MAPK8IP1: variants seen among roughly 807,000 people sequenced by gnomAD.
MAPK8IP1 encodes the protein mitogen-activated protein kinase 8 interacting protein 1.
MAPK8IP1 carries 17 observed loss-of-function variants against 72.6 expected under a neutral mutation model. The observed-to-expected ratio is 0.23, with a 90% confidence interval of 0.16 to 0.35. The LOEUF (loss-of-function observed/expected upper bound fraction) is 0.35. Among genes scored for constraint, MAPK8IP1 ranks in the 10% least tolerant of loss-of-function variants. The probability of loss-of-function intolerance (pLI) is 1.00; values close to 1 mark genes in which losing one functional copy is unlikely to be tolerated. For missense variants in MAPK8IP1, 789 were observed against 1,009.7 expected, an observed-to-expected ratio of 0.78 and a Z score of 2.96; for synonymous variants, 401 against 443.4, an observed-to-expected ratio of 0.90 and a Z score of 1.20.
At position 45,904,671 on chromosome 11, in the gene MAPK8IP1, G is replaced by A. The variant is rs1565075667; in HGVS notation, c.1777-47G>A. ...TCAGGCCCTGGGACAGGAGGGATCA[G>A]CAGAGGAACAGACAGCAGCTGACGT... On this transcript the variant is annotated intron_variant, in intron 8 of 11. Coordinates refer to ENST00000241014, the MANE Select transcript of MAPK8IP1 (RefSeq NM_005456.4). The surrounding 1 kb of genome is among the most constrained non-coding windows in gnomAD (Gnocchi z 6.4). 1.2e-6 allele frequency: 2 copies of A among 1,604,700 alleles called. No individual in the cohort carries two copies. Among genetic ancestry groups the A allele is most frequent in the African/African-American group, 2.7e-5 (2 of 74,762 alleles).
At chr11:45,898,011 T>C in intron 1 of MAPK8IP1, 74 bp from the exon 2 acceptor site, 1 of 907,970 alleles carries the variant, frequency 1.1e-6, no homozygotes, top group Non-Finnish European at 1.8e-6. Context: ...GGCTGCACCC[T>C]GGAAGAGGTA....
rs1211113460 is a variant in MAPK8IP1 at position 45,904,317 on chromosome 11, G to A, written c.1667-138G>A. ...TTCACGATCAAGCAAAGTGAGGCCC[G>A]GCCAAGTTGGGCAGCCAGGGATTGT... On this transcript the variant is annotated intron_variant, in intron 7 of 11. Coordinates refer to ENST00000241014, the MANE Select transcript of MAPK8IP1 (RefSeq NM_005456.4). This position sits in a 1 kb window ranked among gnomAD's most constrained non-coding sequence, Gnocchi z 6.4. 6.3e-5 allele frequency: 74 copies of A among 1,178,478 alleles called. No individual in the cohort carries two copies. The highest frequency in any genetic ancestry group is 2.7e-4 in the Middle Eastern group (1 of 3,770). 73.0% of individuals were successfully genotyped at this position (1,178,478 alleles called of 1,614,324 possible). A position where few individuals can be genotyped will look rare whatever the true frequency, so the allele number is the denominator to read the frequency against.
In MAPK8IP1 at chr11:45,902,996, C is replaced by T. The variant is rs753836405; in HGVS notation, c.1229C>T (p.Ala410Val). Residue 410 changes from alanine to valine, a missense_variant, in exon 5 of 12, where the codon GCC becomes GTC. Transcript: ENST00000241014. The surrounding 1 kb of genome is among the most constrained non-coding windows in gnomAD (Gnocchi z 9.3). ...GACTACAGTGACGAGAGTGACTCTGCCACCGTCTATGACAACTGTGCCTCC... is the reference window on the plus strand; with the variant it reads ...GACTACAGTGACGAGAGTGACTCTGTCACCGTCTATGACAACTGTGCCTCC... Reference protein sequence around the residue: ...FGDYSDESDSATVYDNCASVS... With the variant: ...FGDYSDESDSVTVYDNCASVS... 3.1e-6 allele frequency: 5 copies of T among 1,611,872 alleles called. No homozygotes were observed. The highest frequency in any genetic ancestry group is 2.2e-5 in the East Asian group (1 of 44,882).
Position 45,903,218 on chromosome 11 carries a change from G to T in MAPK8IP1, c.1417+34G>T. 3 of 1,590,682 alleles carry T rather than the reference G, an allele frequency of 1.9e-6. No individual in the cohort carries two copies. Among genetic ancestry groups the T allele is most frequent in the Non-Finnish European group, 2.6e-6 (3 of 1,168,904 alleles). On this transcript the variant is annotated intron_variant, in intron 5 of 11. Transcript: ENST00000241014. This position sits in a 1 kb window ranked among gnomAD's most constrained non-coding sequence, Gnocchi z 6.4. ...GCAAGGGGAAGCAGTGGGGTGGGGG[G>T]GTCCCTAGCGGGGGCAGAGCCAAAA...
chr11:45,898,112 G>A lies in MAPK8IP1; in HGVS notation c.129G>A (p.Glu43=). 1 of 1,613,756 alleles carries A rather than the reference G, an allele frequency of 6.2e-7. No individual in the cohort carries two copies. The highest frequency in any genetic ancestry group is 8.5e-7 in the Non-Finnish European group (1 of 1,179,744). The change falls in exon 2 of 12, where the codon GAG becomes GAA. Residue 43 remains glutamate (E), a synonymous_variant. Coordinates refer to ENST00000241014, the MANE Select transcript of MAPK8IP1 (RefSeq NM_005456.4). ...TCACCCATGACATCAGCCTGGAGGAGTTTGAGGATGAAGACCTCTCGGAGA... is the reference window on the plus strand; with the variant it reads ...TCACCCATGACATCAGCCTGGAGGAATTTGAGGATGAAGACCTCTCGGAGA... ...FRLTHDISLE[E]FEDEDLSEIT... is the part of the protein sequence containing the mutation.
In MAPK8IP1 at chr11:45,902,420, C is replaced by T. The variant is rs778378516; in HGVS notation, c.653C>T (p.Pro218Leu). The change falls in exon 5 of 12, where the codon CCC (proline) becomes CTC (leucine). Residue 218 changes from proline to leucine, a missense_variant. Coordinates refer to ENST00000241014, the MANE Select transcript of MAPK8IP1 (RefSeq NM_005456.4). This position sits in a 1 kb window ranked among gnomAD's most constrained non-coding sequence, Gnocchi z 9.3. The stretch of plus-strand genomic sequence containing the variant: ...CACATCTGCCTGAGCGATGAGCTGC[C>T]CCCCCAGAGCGGCCCCGCCCCCACC... ...HEHICLSDELPPQSGPAPTTD... is the reference protein window; with the variant it reads ...HEHICLSDELLPQSGPAPTTD... The T allele has an allele frequency of 3.5e-5, 55 of 1,584,948 alleles. No homozygotes were observed. Among genetic ancestry groups the T allele is most frequent in the South Asian group, 2.2e-4 (19 of 87,616 alleles).
intron 1 of MAPK8IP1, among the ~76,000 whole-genome samples, chr11:45,896,178 G>A (rs879481373): frequency 1.3e-5 from 2 of 152,222 alleles, no homozygotes; most frequent in African/African-American, 4.8e-5. Flanking sequence ...TGTGGCTCTG[G>A]TGCCTCCTGC....
At position 45,890,189 on chromosome 11, in the gene MAPK8IP1, G is replaced by A. The variant is rs140991788; in HGVS notation, c.101+4268G>A. Among the ~76,000 whole-genome samples the A allele has an allele frequency of 7.2e-5, 11 of 152,296 alleles. No individual in the cohort carries two copies. In the East Asian group the frequency reaches 1.9e-3, roughly 27 times the overall value. On this transcript the variant is annotated intron_variant, in intron 1 of 11. Transcript: ENST00000241014. ...GGCAGGAGGGTGGAGAGCAGGATGT[G>A]CAGGAACTTGTAGGCCATGTGACGA...
chr11:45,888,510 G>A (rs1429742944), intron 1 of MAPK8IP1, among the ~76,000 whole-genome samples: 3 of 152,200 alleles, frequency 2.0e-5, no homozygotes, highest in Non-Finnish European at 4.4e-5. Context: ...GAGCCCTAGA[G>A]TATTGGAAGA....
At chr11:45,886,045 G>C (rs1231338625) in intron 1 of MAPK8IP1, 124 bp downstream of exon 1, 1 of 552,852 alleles carries the variant, frequency 1.8e-6, no homozygotes, top group Admixed American at 4.3e-5. Flanking sequence ...GTGGGAGTGG[G>C]GTCTCTTCCC....
intron 1 of MAPK8IP1, among the ~76,000 whole-genome samples, chr11:45,897,116 T>TC (rs2086614321): frequency 6.6e-6 from 1 of 152,122 alleles, no homozygotes; most frequent in Non-Finnish European, 1.5e-5. Context: ...CTAGTGGGTT[T>TC]CCCTTGCTCT....
At position 45,904,808 on chromosome 11, in the gene MAPK8IP1, A is replaced by G; in HGVS notation, c.1867A>G (p.Lys623Glu). The G allele has an allele frequency of 6.2e-7, 1 of 1,614,048 alleles. No individual in the cohort carries two copies. The highest frequency in any genetic ancestry group is 1.1e-5 in the South Asian group (1 of 91,082). The change falls in exon 9 of 12, where the codon AAG (lysine) becomes GAG (glutamate). Residue 623 changes from lysine to glutamate, a missense_variant. Lys to Glu is a moderately conservative substitution (Grantham distance 56, BLOSUM62 1). This residue lies in a region of MAPK8IP1 where 188 missense variants were observed against 293.3 expected (regional missense o/e 0.64). Coordinates refer to ENST00000241014, the MANE Select transcript of MAPK8IP1 (RefSeq NM_005456.4). The surrounding 1 kb of genome is among the most constrained non-coding windows in gnomAD (Gnocchi z 6.4). ...ISVRGVKIGVKADDSQEAKGN... is the reference protein window; with the variant it reads ...ISVRGVKIGVEADDSQEAKGN... ...CGTGCGGGGTGTGAAGATAGGCGTCAAGGCCGATGACTCCCAGGAGGCCAA... is the reference window on the plus strand; with the variant it reads ...CGTGCGGGGTGTGAAGATAGGCGTCGAGGCCGATGACTCCCAGGAGGCCAA...
At chr11:45,893,660 G>A (rs1434027851) in intron 1 of MAPK8IP1, among the ~76,000 whole-genome samples, 2 of 151,994 alleles carry the variant, frequency 1.3e-5, no homozygotes, top group Admixed American at 1.3e-4. Flanking sequence ...ACCCAGAGGT[G>A]AGGGAGGCCG....
rs1159925076 is a variant in MAPK8IP1, at chr11:45,903,970, C to T, written c.1494-19C>T. ...CAGGCCTTGGTGCCGAATTTCTCAC[C>T]TGTCCTTGCTGGGGACAGGTTTGTG... On this transcript the variant is annotated intron_variant, in intron 6 of 11. Coordinates refer to ENST00000241014, the MANE Select transcript of MAPK8IP1 (RefSeq NM_005456.4). This position sits in a 1 kb window ranked among gnomAD's most constrained non-coding sequence, Gnocchi z 6.4. The T allele has an allele frequency of 1.2e-6, 2 of 1,612,236 alleles. No individual in the cohort carries two copies. Among genetic ancestry groups the T allele is most frequent in the Non-Finnish European group, 1.7e-6 (2 of 1,179,814 alleles).
Position 45,902,444 on chromosome 11 carries a change from C to T in MAPK8IP1, c.677C>T (p.Thr226Ile). 1 of 1,596,604 alleles carries T rather than the reference C, an allele frequency of 6.3e-7. No individual in the cohort carries two copies. The highest frequency in any genetic ancestry group is 8.5e-7 in the Non-Finnish European group (1 of 1,172,434). The change falls in exon 5 of 12, where the codon ACC becomes ATC. Residue 226 changes from threonine to isoleucine, a missense_variant. Physicochemically the swap from Thr to Ile is moderately conservative, Grantham distance 89 (BLOSUM62 -1). This residue lies in a region of MAPK8IP1 where 377 missense variants were observed against 411.7 expected (regional missense o/e 0.92). Coordinates refer to ENST00000241014, the MANE Select transcript of MAPK8IP1 (RefSeq NM_005456.4). This position sits in a 1 kb window ranked among gnomAD's most constrained non-coding sequence, Gnocchi z 9.3. ...ELPPQSGPAPTTDRGTSTDSP... is the reference protein window; with the variant it reads ...ELPPQSGPAPITDRGTSTDSP... ...CCCCCCCAGAGCGGCCCCGCCCCCA[C>T]CACAGATCGAGGCACCTCCACCGAC...
chr11:45,899,512 A>G (rs1565073335), intron 2 of MAPK8IP1, among the ~76,000 whole-genome samples: 1 of 152,194 alleles, frequency 6.6e-6, no homozygotes. Context: ...TGGCGGCAGA[A>G]CTGGAGCTAG....
Position 45,902,861 on chromosome 11 carries a change from C to A in MAPK8IP1, c.1094C>A (p.Ala365Asp), listed in dbSNP as rs2086667865. 4.4e-6 allele frequency: 7 copies of A among 1,592,632 alleles called. No homozygotes were observed. Among genetic ancestry groups the A allele is most frequent in the Non-Finnish European group, 6.0e-6 (7 of 1,170,098 alleles). Residue 365 changes from alanine to aspartate, a missense_variant, in exon 5 of 12, where the codon GCC (alanine) becomes GAC (aspartate). Around this residue, in one of 4 missense-constraint regions of MAPK8IP1, gnomAD observed 377 missense variants for 411.7 expected, o/e 0.92. Transcript: ENST00000241014. This position sits in a 1 kb window ranked among gnomAD's most constrained non-coding sequence, Gnocchi z 9.3. ...GGGGAGCCGCCGCCACCTCCACGGGCCTCTCTGAGCTCGGACACCAGCGCC... is the reference window on the plus strand; with the variant it reads ...GGGGAGCCGCCGCCACCTCCACGGGACTCTCTGAGCTCGGACACCAGCGCC... ...SLGEPPPPPR[A>D]SLSSDTSALS...
At chr11:45,886,634 C>T (rs2086529698) in intron 1 of MAPK8IP1, among the ~76,000 whole-genome samples, 1 of 152,160 alleles carries the variant, frequency 6.6e-6, no homozygotes, top group African/African-American at 2.4e-5. Flanking sequence ...GCTCCTATTC[C>T]ACCACCCCCA....
chr11:45,902,329 G>T lies in MAPK8IP1; in HGVS notation c.605-43G>T, dbSNP rs1247995124. On this transcript the variant is annotated intron_variant, in intron 4 of 11. Transcript: ENST00000241014. The surrounding 1 kb of genome is among the most constrained non-coding windows in gnomAD (Gnocchi z 9.3). The stretch of plus-strand genomic sequence containing the variant: ...GAGTGGCAGGTGCAGGTAGCTGGGA[G>T]TTGGGAGAGAGCCCCTGCCTTCATG... 1 of 1,469,684 alleles carries T rather than the reference G, an allele frequency of 6.8e-7. No individual in the cohort carries two copies. The highest frequency in any genetic ancestry group is 9.3e-7 in the Non-Finnish European group (1 of 1,075,098). The allele number at this position is 1,469,684 out of a possible 1,614,324, so 91.0% of individuals were successfully genotyped here. A position where few individuals can be genotyped will look rare whatever the true frequency, so the allele number is the denominator to read the frequency against.
Sources: gnomAD v4.1 joint callset for allele counts (sites outside exome capture counted in the v4.1 genomes callset) on GRCh38, gnomAD v4.1.1 for gene constraint, gnomAD v4.1.1 regional missense constraint, Gnocchi (gnomAD v3.1) non-coding constraint, MANE v1.5 for transcripts, NCBI Gene and HGNC (gene_info 2026-07-23, HGNC 2026-07-21) for gene names.